TRPM8: variants seen among roughly 807,000 people sequenced by gnomAD.
TRPM8 encodes TRPM8 cationic channel.
In TRPM8, 110 loss-of-function variants were observed where a neutral mutation model predicts 133.7. The observed-to-expected ratio is 0.82, with a 90% CI of 0.70 to 0.96. The LOEUF is 0.96. Ranked by LOEUF, TRPM8 falls within the 40% of genes least tolerant of loss-of-function variation. The probability of loss-of-function intolerance (pLI) is 0.00; values close to 1 mark genes in which losing one functional copy is unlikely to be tolerated. For missense variants in TRPM8, 1,291 were observed against 1,379.5 expected, an observed-to-expected ratio of 0.94 and a Z score of 1.02; for synonymous variants, 535 against 532.3, an observed-to-expected ratio of 1.01 and a Z score of -0.07.
chr2:233,984,410 A>C (rs1227018103), intron 20 of TRPM8, among the ~76,000 whole-genome samples: 2 of 152,148 alleles, frequency 1.3e-5, no homozygotes, highest in East Asian at 1.9e-4. Context: ...TTCCAGACCC[A>C]AACTTCCCCC....
Position 233,945,939 on chromosome 2 carries a change from G to T in TRPM8, c.783G>T (p.Leu261=). The change falls in exon 7 of 26, where the codon CTG becomes CTT. Residue 261 remains leucine, a synonymous_variant. Transcript: ENST00000324695. ...YILDNNHTHL[L]LVDNGCHGHP... is the part of the protein sequence containing the mutation. ...TGGACAACAACCACACACATTTGCT[G>T]CTCGTGGACAATGGCTGTCATGGAC... is the stretch of plus-strand genomic sequence containing the variant. 6.2e-7 allele frequency: 1 copy of T among 1,614,110 alleles called. No homozygotes were observed. The highest frequency in any genetic ancestry group is 1.3e-5 in the African/African-American group (1 of 75,018).
At chr2:233,929,098 T>C (rs144097635) in intron 2 of TRPM8, among the ~76,000 whole-genome samples, 39 of 152,130 alleles carry the variant, frequency 2.6e-4, no homozygotes, top group African/African-American at 8.9e-4. Flanking sequence ...TGTGTCCTAC[T>C]GTGTGCTTAT....
intron 14 of TRPM8, among the ~76,000 whole-genome samples, chr2:233,965,738 T>A: frequency 6.6e-6 from 1 of 152,216 alleles, no homozygotes; most frequent in African/African-American, 2.4e-5. Flanking sequence ...AATTAGGCAA[T>A]GGCTCCTAAT....
chr2:233,947,730 C>T, intron 8 of TRPM8: 2 of 633,166 alleles, frequency 3.2e-6, no homozygotes, highest in Non-Finnish European at 2.4e-6. Context: ...GTTCATCTTG[C>T]CTGCAGTCAG....
intron 3 of TRPM8, among the ~76,000 whole-genome samples, chr2:233,934,503 G>A (rs887298514): frequency 3.5e-5 from 5 of 144,120 alleles, no homozygotes; most frequent in African/African-American, 1.3e-4. Flanking sequence ...GTGTAGATGA[G>A]GTTGGAGAGA....
chr2:233,974,416 T>G (rs1391246932), intron 17 of TRPM8, among the ~76,000 whole-genome samples: 1 of 152,116 alleles, frequency 6.6e-6, no homozygotes, highest in African/African-American at 2.4e-5. Flanking sequence ...GTATTTTTAG[T>G]AGAGACGGGG....
Position 234,019,137 on chromosome 2 carries a change from G to A in TRPM8, c.*1881G>A, listed in dbSNP as rs763379. The A allele has an allele frequency of 6.6e-6, 1 of 152,126 alleles. No individual in the cohort carries two copies. The allele number at this position is 152,126 out of a possible 1,614,324, so 9.4% of individuals were successfully genotyped here. A position where few individuals can be genotyped will look rare whatever the true frequency, so the allele number is the denominator to read the frequency against. On this transcript the variant is annotated 3_prime_UTR_variant, in exon 26 of 26. Transcript: ENST00000324695. Reference sequence around the variant, plus strand: ...AACTAAAAAAGTTTATTTTCCTTTTGTCTGGGCAGTAGTGAAAATAACTAC... The same window carrying A: ...AACTAAAAAAGTTTATTTTCCTTTTATCTGGGCAGTAGTGAAAATAACTAC...
At chr2:234,013,394 C>T (rs181718483) in intron 24 of TRPM8, 3 of 152,270 alleles carry the variant, frequency 2.0e-5, no homozygotes, top group African/African-American at 7.2e-5. Flanking sequence ...ATTTCCATTT[C>T]TTCTAGGTTG....
At chr2:233,973,558 TCTTTA>T (rs1177995274) in intron 17 of TRPM8, among the ~76,000 whole-genome samples, 1 of 152,234 alleles carries the variant, frequency 6.6e-6, no homozygotes, top group Non-Finnish European at 1.5e-5. Flanking sequence ...CATGACTTCC[TCTTTA>T]CTTAATTAGT....
intron 5 of TRPM8, among the ~76,000 whole-genome samples, chr2:233,941,357 C>A (rs1357712802): frequency 1.3e-5 from 2 of 152,150 alleles, no homozygotes; most frequent in Non-Finnish European, 2.9e-5. Context: ...AGACTGGGTG[C>A]TGAGAGGCTG....
At chr2:233,999,849 G>A (rs528893890) in intron 22 of TRPM8, among the ~76,000 whole-genome samples, 1 of 152,196 alleles carries the variant, frequency 6.6e-6, no homozygotes, top group Non-Finnish European at 1.5e-5. Context: ...AAAATGCTGA[G>A]TATACGGGCT....
At chr2:233,934,582 A>G (rs1394878241) in intron 3 of TRPM8, among the ~76,000 whole-genome samples, 3 of 152,136 alleles carry the variant, frequency 2.0e-5, no homozygotes, top group African/African-American at 7.2e-5. Context: ...ATGTATCTCC[A>G]GCAGCATCCC....
chr2:233,935,518 T>G (rs1690708318), intron 3 of TRPM8, among the ~76,000 whole-genome samples: 1 of 152,226 alleles, frequency 6.6e-6, no homozygotes, highest in African/African-American at 2.4e-5. Flanking sequence ...ACCAGGACTT[T>G]GGCAACAGGT....
At chr2:234,011,245 T>A (rs1441272506) in intron 24 of TRPM8, among the ~76,000 whole-genome samples, 1 of 152,236 alleles carries the variant, frequency 6.6e-6, no homozygotes, top group African/African-American at 2.4e-5. Flanking sequence ...TCCCCACTGA[T>A]GCCTTTGGAG....
At chr2:233,919,044 AT>A (rs66788814) in intron 1 of TRPM8, among the ~76,000 whole-genome samples, 4,687 of 147,992 alleles carry the variant, frequency 0.032, 236 homozygotes, top group African/African-American at 0.11. Flanking sequence ...CCCCCACCCC[AT>A]TTTTTTTTTA....
At chr2:233,936,458 C>T (rs906244050) in intron 3 of TRPM8, among the ~76,000 whole-genome samples, 2 of 152,230 alleles carry the variant, frequency 1.3e-5, no homozygotes, top group African/African-American at 2.4e-5. Flanking sequence ...TCATTTACCG[C>T]ACAGTTTGTC....
At chr2:233,946,097 A>C in intron 7 of TRPM8, 67 bp downstream of exon 7, 2 of 1,466,946 alleles carry the variant, frequency 1.4e-6, no homozygotes, top group Non-Finnish European at 9.4e-7. Context: ...ATCAACAACA[A>C]TCACTACCAA....
At chr2:234,010,266 A>G (rs1052112615) in intron 24 of TRPM8, among the ~76,000 whole-genome samples, 2 of 152,188 alleles carry the variant, frequency 1.3e-5, no homozygotes, top group African/African-American at 4.8e-5. Context: ...TTTGTTTAGC[A>G]TAATGTCCTC....
At chr2:234,015,313 C>T (rs1468285763) in intron 25 of TRPM8, among the ~76,000 whole-genome samples, 1 of 150,344 alleles carries the variant, frequency 6.7e-6, no homozygotes, top group Non-Finnish European at 1.5e-5. Flanking sequence ...ATGGACACGT[C>T]GAGTTAGGAA....
Sources: gnomAD v4.1 joint callset for allele counts (sites outside exome capture counted in the v4.1 genomes callset) on GRCh38, gnomAD v4.1.1 for gene constraint, MANE v1.5 for transcripts, NCBI Gene and HGNC (gene_info 2026-07-23, HGNC 2026-07-21) for gene names.